The following NOVA1 variants were observed in gnomAD, a reference collection of about 807,000 sequenced individuals.
The protein encoded by NOVA1 is NOVA alternative splicing regulator 1, also known as RNA-binding protein Nova-1.
In NOVA1, 7 loss-of-function variants were observed where a neutral mutation model predicts 38.0. That is an observed-to-expected ratio of 0.18 (90% CI 0.10 to 0.35). The LOEUF (loss-of-function observed/expected upper bound fraction) is 0.35, where lower values mean the gene tolerates loss of function less well. Among genes scored for constraint, NOVA1 ranks in the 10% least tolerant of loss-of-function variants. The pLI, the probability that NOVA1 is intolerant of heterozygous loss-of-function variation, is 1.00. For missense variants in NOVA1, 460 were observed against 616.0 expected, an observed-to-expected ratio of 0.75 and a Z score of 2.68; for synonymous variants, 270 against 232.5, an observed-to-expected ratio of 1.16 and a Z score of -1.47.
intron 2 of NOVA1, among the ~76,000 whole-genome samples, chr14:26,505,784 TGAGA>T: frequency 6.6e-6 from 1 of 152,302 alleles, no homozygotes; most frequent in African/African-American, 2.4e-5. Context: ...ATGTGTTACT[TGAGA>T]TTCATTAACA....
chr14:26,465,980 G>C (rs142371021), intron 4 of NOVA1, among the ~76,000 whole-genome samples: 107 of 152,230 alleles, frequency 7.0e-4, no homozygotes, highest in African/African-American at 2.2e-3. Context: ...AGGAGTACAG[G>C]GGGGGAAGGG....
rs942599550 is a variant in NOVA1 at position 26,447,639 on chromosome 14, C to T, written c.*320G>A. 32 of 332,934 alleles carry T rather than the reference C, an allele frequency of 9.6e-5. No homozygotes were observed. Among genetic ancestry groups the T allele is most frequent in the East Asian group, 6.5e-4 (10 of 15,382 alleles). The allele number at this position is 332,934 out of a possible 1,614,324, so 20.6% of individuals were successfully genotyped here. ...TCTAGAACTAATACTGAAAACTATACGCATATCCCTGTCTACATTCAATCA... is the reference window on the plus strand; with the variant it reads ...TCTAGAACTAATACTGAAAACTATATGCATATCCCTGTCTACATTCAATCA... On this transcript the variant is annotated 3_prime_UTR_variant, in exon 5 of 5. Transcript: ENST00000539517.
At chr14:26,486,537 G>T (rs1356302652) in intron 2 of NOVA1, among the ~76,000 whole-genome samples, 3 of 151,140 alleles carry the variant, frequency 2.0e-5, no homozygotes, top group Non-Finnish European at 4.4e-5. Flanking sequence ...GTGAAACCCC[G>T]TCTCCACTAA....
At chr14:26,572,725 AGTGTGTGTGTGTGTGTGT>A (rs56021646) in intron 2 of NOVA1, among the ~76,000 whole-genome samples, 1 of 138,464 alleles carries the variant, frequency 7.2e-6, no homozygotes, top group African/African-American at 2.6e-5. Flanking sequence ...AAGGAACCGC[AGTGTGTGTGTGTGTGTGT>A]GTGTGTGTGT....
chr14:26,522,892 GCTC>G (rs1233803336), intron 2 of NOVA1, among the ~76,000 whole-genome samples: 16 of 152,196 alleles, frequency 1.1e-4, no homozygotes, highest in South Asian at 6.2e-4. Flanking sequence ...AAATTATTAT[GCTC>G]CTAATATCAC....
chr14:26,569,911 A>C (rs553297083), intron 2 of NOVA1, among the ~76,000 whole-genome samples: 2 of 152,246 alleles, frequency 1.3e-5, no homozygotes, highest in South Asian at 4.1e-4. Context: ...GTTCTGATTC[A>C]ATGCATTCTT....
intron 2 of NOVA1, among the ~76,000 whole-genome samples, chr14:26,554,889 C>A (rs975314752): frequency 1.3e-5 from 2 of 151,888 alleles, no homozygotes; most frequent in African/African-American, 4.8e-5. Context: ...GTTTTCCTTG[C>A]GTATAAAAGC....
intron 4 of NOVA1, among the ~76,000 whole-genome samples, chr14:26,459,609 A>T (rs559442042): frequency 1.8e-4 from 27 of 152,264 alleles, no homozygotes; most frequent in Non-Finnish European, 3.8e-4. Context: ...TAAGTAGGAA[A>T]ATTCAAAATC....
chr14:26,595,716 G>T (rs534083224), intron 1 of NOVA1, 163 bp from the exon 2 acceptor site: 84 of 561,140 alleles, frequency 1.5e-4, no homozygotes, highest in African/African-American at 1.4e-3. Flanking sequence ...CAATTACATT[G>T]AAAAACAAAC....
rs143629892 is a variant in NOVA1, at chr14:26,533,917, T to C, written c.281-53774A>G. 1.8e-3 allele frequency among the ~76,000 whole-genome samples: 272 copies of C among 152,256 alleles called. 1 individual carries two copies. The highest frequency in any genetic ancestry group is 6.3e-3 in the African/African-American group (260 of 41,562). ...ATAGCCAAGAAATGAAAAAGGCCTA[T>C]CAAATAAATATATTCAAATAAGCTC... On this transcript the variant is annotated intron_variant, in intron 2 of 4. Transcript: ENST00000539517.
At chr14:26,588,450 C>T (rs1351257206) in intron 2 of NOVA1, 1 of 151,340 alleles carries the variant, frequency 6.6e-6, no homozygotes, top group Admixed American at 6.6e-5. Context: ...CATTTTTCAT[C>T]TCTTCCTGTC....
At chr14:26,569,015 C>T (rs117820648) in intron 2 of NOVA1, among the ~76,000 whole-genome samples, 3 of 152,178 alleles carry the variant, frequency 2.0e-5, no homozygotes, top group Admixed American at 6.5e-5. Context: ...GACAACTAAA[C>T]GCAAAGCCAA....
intron 4 of NOVA1, among the ~76,000 whole-genome samples, chr14:26,468,678 T>C (rs1321643940): frequency 6.6e-6 from 1 of 152,202 alleles, no homozygotes; most frequent in Admixed American, 6.5e-5. Context: ...CATTTGTGAC[T>C]TGTGGTCATG....
chr14:26,498,102 C>T (rs141939973), intron 2 of NOVA1, among the ~76,000 whole-genome samples: 2 of 152,218 alleles, frequency 1.3e-5, no homozygotes, highest in Non-Finnish European at 2.9e-5. Flanking sequence ...CTCTGTCACC[C>T]AGGCTGGAGT....
chr14:26,541,944 C>A (rs1890491604), intron 2 of NOVA1, among the ~76,000 whole-genome samples: 1 of 151,776 alleles, frequency 6.6e-6, no homozygotes, highest in South Asian at 2.1e-4. Flanking sequence ...CCTTATTGAG[C>A]TGATTCTGAG....
At chr14:26,463,648 T>TATACCAAAAA (rs1420141413) in intron 4 of NOVA1, among the ~76,000 whole-genome samples, 3 of 152,218 alleles carry the variant, frequency 2.0e-5, no homozygotes, top group Admixed American at 1.3e-4. Context: ...CATATTCTGC[T>TATACCAAAAA]ATACCAAAAA....
intron 2 of NOVA1, among the ~76,000 whole-genome samples, chr14:26,533,530 C>A (rs1006010122): frequency 6.6e-6 from 1 of 152,154 alleles, no homozygotes; most frequent in African/African-American, 2.4e-5. Context: ...ATTACTCTTT[C>A]CTGACCAATA....
chr14:26,470,273 C>G (rs1032609195), intron 4 of NOVA1: 3 of 1,283,954 alleles, frequency 2.3e-6, no homozygotes, highest in African/African-American at 1.5e-5. Flanking sequence ...CTAAATTAAT[C>G]AGGACTATTG....
chr14:26,509,727 C>T (rs1259613858), intron 2 of NOVA1, among the ~76,000 whole-genome samples: 1 of 152,134 alleles, frequency 6.6e-6, no homozygotes, highest in Non-Finnish European at 1.5e-5. Flanking sequence ...ATTACCTAGG[C>T]TGGAGTGCAA....
Sources: gnomAD v4.1 joint callset for allele counts (sites outside exome capture counted in the v4.1 genomes callset) on GRCh38, gnomAD v4.1.1 for gene constraint, MANE v1.5 for transcripts, NCBI Gene and HGNC (gene_info 2026-07-23, HGNC 2026-07-21) for gene names.